Variants in ZNF695 observed in about 807,000 individuals in gnomAD.
ZNF695 encodes the protein zinc finger protein SBZF3.
Under a neutral mutation model 11.2 loss-of-function variants are expected in ZNF695, and 11 were observed. That is an observed-to-expected ratio of 0.98 (90% CI 0.62 to 1.62). ZNF695 has a LOEUF of 1.62. Among genes scored for constraint, ZNF695 ranks in the 40% most tolerant of loss-of-function variants. The probability of loss-of-function intolerance (pLI) is 0.00; values close to 1 mark genes in which losing one functional copy is unlikely to be tolerated. For missense variants in ZNF695, 559 were observed against 590.5 expected (o/e 0.95, Z 0.55); for synonymous variants, 190 against 201.4 (o/e 0.94, Z 0.48).
At chr1:246,972,223 C>T (rs1668445698) in intron 4 of ZNF695, among the ~76,000 whole-genome samples, 1 of 152,184 alleles carries the variant, frequency 6.6e-6, no homozygotes, top group Non-Finnish European at 1.5e-5. Flanking sequence ...TCCTAGGTCA[C>T]CTGGTTACCA....
chr1:246,951,362 G>T (rs556116551), intron 5 of ZNF695, among the ~76,000 whole-genome samples: 43 of 152,310 alleles, frequency 2.8e-4, no homozygotes, highest in African/African-American at 1.0e-3. Flanking sequence ...AAACAGACAC[G>T]GAGGGGAGAT....
In ZNF695 at chr1:246,967,787, A is replaced by G. The variant is rs562869906; in HGVS notation, c.396T>C (p.Cys132=). The change falls in exon 5 of 6, where the codon TGT becomes TGC. Residue 132 remains cysteine (C), a synonymous_variant. Transcript: ENST00000487338. ...GCAAAGGGGAAGCAAGCACATCTTC[A>G]CATGGCTGGCAGGAGAGAGAGAGCA... is the stretch of plus-strand genomic sequence containing the variant. 3.6e-5 allele frequency: 13 copies of G among 360,080 alleles called. No individual in the cohort carries two copies. In the Admixed American group the frequency reaches 4.7e-4, roughly 13 times the overall value. 22.3% of individuals were successfully genotyped at this position (360,080 alleles called of 1,614,324 possible).
rs1011502470 is a variant in ZNF695 at position 246,987,373 on chromosome 1, T to G, written c.1142A>C (p.Lys381Thr). ...RRIHTGEKPYKCEECGKAFTW... is the reference protein window; with the variant it reads ...RRIHTGEKPYTCEECGKAFTW... ...AAAAGCTTTGCCACATTCCTCACAT[T>G]TGTATGGTTTCTCACCAGTATGAAT... is the stretch of plus-strand genomic sequence containing the variant. The change falls in exon 4 of 4, where the codon AAA becomes ACA. Residue 381 changes from lysine (K) to threonine (T), a missense_variant. By Grantham distance (78) the Lys-to-Thr change is moderately conservative. Coordinates refer to ENST00000339986, the MANE Select transcript of ZNF695 (RefSeq NM_020394.5). 1 of 1,613,214 alleles carries G rather than the reference T, an allele frequency of 6.2e-7. No homozygotes were observed. The highest frequency in any genetic ancestry group is 1.3e-5 in the African/African-American group (1 of 74,790).
rs578168125 is a variant in ZNF695, at chr1:246,952,841, G to C, written c.489-7014C>G. 2.0e-5 allele frequency among the ~76,000 whole-genome samples: 3 copies of C among 151,872 alleles called. No homozygotes were observed. The East Asian group carries it at 5.8e-4, about 30-fold the overall frequency. On this transcript the variant is annotated intron_variant, in intron 5 of 5. Transcript: ENST00000487338. ...CATCTGTAATCCCAGCACTTTGGGAGGCTGAGGCAGGAGGATCACTTAAGC... is the reference window on the plus strand; with the variant it reads ...CATCTGTAATCCCAGCACTTTGGGACGCTGAGGCAGGAGGATCACTTAAGC...
intron 5 of ZNF695, among the ~76,000 whole-genome samples, chr1:246,956,006 T>A (rs1025125948): frequency 7.4e-5 from 11 of 148,428 alleles, no homozygotes; most frequent in Non-Finnish European, 1.6e-4. Context: ...TTTTTTTTTT[T>A]AAGACAGAGT....
intron 1 of ZNF695, among the ~76,000 whole-genome samples, 175 bp downstream of exon 1, chr1:247,007,731 G>T (rs576029604): frequency 6.6e-6 from 1 of 152,110 alleles, no homozygotes; most frequent in East Asian, 2.0e-4. Flanking sequence ...CTGCCGGCCC[G>T]GCCCCCACCT....
At chr1:246,996,447 T>C (rs1384307479) in intron 3 of ZNF695, among the ~76,000 whole-genome samples, 1 of 152,168 alleles carries the variant, frequency 6.6e-6, no homozygotes, top group East Asian at 1.9e-4. Context: ...AATAATGGAA[T>C]ATTACTCAGC....
chr1:246,988,406 A>G (rs1320719797), intron 3 of ZNF695, among the ~76,000 whole-genome samples, 151 bp from the exon 4 acceptor site: 2 of 152,174 alleles, frequency 1.3e-5, no homozygotes, highest in Non-Finnish European at 2.9e-5. Context: ...TAACAAAAAT[A>G]TACTAAGCAA....
Position 246,985,423 on chromosome 1 carries a change from T to C in ZNF695, c.*1544A>G. On this transcript the variant is annotated 3_prime_UTR_variant, in exon 4 of 4. Transcript: ENST00000339986. ...GAAGGTGTAACGTGTGGGAACAATA[T>C]TTTTCAAATTATTTGAAGTTTAATG... The C allele has an allele frequency of 1.0e-6, 1 of 985,334 alleles. No individual in the cohort carries two copies. The highest frequency in any genetic ancestry group is 1.2e-6 in the Non-Finnish European group (1 of 829,916). The allele number at this position is 985,334 out of a possible 1,614,324, so 61.0% of individuals were successfully genotyped here.
chr1:247,005,137 G>C (rs1487597819), intron 1 of ZNF695, among the ~76,000 whole-genome samples: 1 of 151,954 alleles, frequency 6.6e-6, no homozygotes, highest in East Asian at 1.9e-4. Context: ...AAGCCATCCT[G>C]AACAAAAAGG....
chr1:246,986,867 T>C lies in ZNF695; in HGVS notation c.*100A>G. 6.8e-7 allele frequency: 1 copy of C among 1,465,908 alleles called. No homozygotes were observed. The highest frequency in any genetic ancestry group is 9.0e-7 in the Non-Finnish European group (1 of 1,110,218). 90.8% of individuals were successfully genotyped at this position (1,465,908 alleles called of 1,614,324 possible). On this transcript the variant is annotated 3_prime_UTR_variant, in exon 4 of 4. Coordinates refer to ENST00000339986, the MANE Select transcript of ZNF695 (RefSeq NM_020394.5). ...ACTGTAAATGGCCTTTTGACAGTCA[T>C]TACATTTGTAACACTCTTATTCAGT...
chr1:246,947,887 T>C (rs1667778059), intron 5 of ZNF695, among the ~76,000 whole-genome samples: 2 of 152,140 alleles, frequency 1.3e-5, no homozygotes, highest in Non-Finnish European at 2.9e-5. Context: ...TGCAAAATTA[T>C]TGCAAGGAAC....
rs775167542 is a variant in ZNF695 at position 246,988,208 on chromosome 1, G to A, written c.307C>T (p.Gln103Ter). ...AGCATCACTTTTTGGAATGAAACTTGCAGGCCCTGCTCTGGCAAAATGTCT... is the reference window on the plus strand; with the variant it reads ...AGCATCACTTTTTGGAATGAAACTTACAGGCCCTGCTCTGGCAAAATGTCT... ...TEDILPEQGL[Q>*]VSFQKVMLRR... Residue 103 changes from glutamine to a stop codon, truncating the protein, a stop_gained, in exon 4 of 4, where the codon CAA (glutamine) becomes TAA (stop). Coordinates refer to ENST00000339986, the MANE Select transcript of ZNF695 (RefSeq NM_020394.5). LOFTEE classifies it low-confidence loss of function (END_TRUNC). 6.3e-6 allele frequency: 10 copies of A among 1,599,660 alleles called. No individual in the cohort carries two copies. In the South Asian group the frequency reaches 1.1e-4, roughly 18 times the overall value.
intron 4 of ZNF695, among the ~76,000 whole-genome samples, chr1:246,971,941 G>C (rs1331448599): frequency 6.6e-6 from 1 of 152,050 alleles, no homozygotes; most frequent in African/African-American, 2.4e-5. Flanking sequence ...AGGAGTTCAA[G>C]GCCAGGCTGG....
intron 5 of ZNF695, chr1:246,966,808 G>A: frequency 2.2e-6 from 1 of 456,648 alleles, no homozygotes; most frequent in South Asian, 1.5e-5. Flanking sequence ...GTCAAAATGA[G>A]AAAGTTGTGG....
At chr1:246,950,536 A>AGCTACTC (rs2102997961) in intron 5 of ZNF695, among the ~76,000 whole-genome samples, 1 of 151,946 alleles carries the variant, frequency 6.6e-6, no homozygotes, top group African/African-American at 2.4e-5. Flanking sequence ...CTGTATTCCC[A>AGCTACTC]GCTACTCGGG....
chr1:246,953,907 C>CA (rs1667928514), intron 5 of ZNF695, among the ~76,000 whole-genome samples: 1 of 136,604 alleles, frequency 7.3e-6, no homozygotes, highest in Non-Finnish European at 1.5e-5. Flanking sequence ...GCCTGGGCGA[C>CA]AGAGTGAGAC....
At chr1:246,967,016 A>G (rs1298581290) in intron 5 of ZNF695, among the ~76,000 whole-genome samples, 1 of 152,072 alleles carries the variant, frequency 6.6e-6, no homozygotes, top group Non-Finnish European at 1.5e-5. Flanking sequence ...TTGGCTCACC[A>G]CAACCTCCGC....
chr1:246,950,121 A>C (rs1474762019), intron 5 of ZNF695, among the ~76,000 whole-genome samples: 2 of 152,166 alleles, frequency 1.3e-5, no homozygotes, highest in Non-Finnish European at 2.9e-5. Flanking sequence ...GTAACTCACC[A>C]AAGAGCCTAC....
Sources: allele counts gnomAD v4.1 joint callset (sites outside exome capture counted in the v4.1 genomes callset), GRCh38; gene constraint gnomAD v4.1.1; transcripts MANE v1.5; gene names NCBI Gene and HGNC (gene_info 2026-07-23, HGNC 2026-07-21).